The following NPIPA1 variants were observed in gnomAD, a reference collection of about 807,000 sequenced individuals.
NPIPA1 encodes the protein nuclear pore complex-interacting protein family member A1.
For missense variants in NPIPA1, 22 were observed against 232.2 expected, an observed-to-expected ratio of 0.09 and a Z score of 5.88; for synonymous variants, 7 against 88.0, an observed-to-expected ratio of 0.08 and a Z score of 5.15.
intron 2 of NPIPA1, among the ~76,000 whole-genome samples, chr16:14,943,017 T>G (rs1965788962): frequency 6.6e-6 from 1 of 152,278 alleles, no homozygotes; most frequent in African/African-American, 2.4e-5. Context: ...TACACGTCAT[T>G]TGGCACTGCC....
intron 2 of NPIPA1, among the ~76,000 whole-genome samples, chr16:14,945,202 T>G (rs1965853136): frequency 6.7e-6 from 1 of 150,146 alleles, no homozygotes. Flanking sequence ...TGAGCCACCA[T>G]GCCAGCCTCA....
intron 2 of NPIPA1, among the ~76,000 whole-genome samples, chr16:14,945,346 T>C (rs1800266658): frequency 6.8e-6 from 1 of 146,356 alleles, no homozygotes; most frequent in Admixed American, 6.9e-5. Flanking sequence ...ACCTCCCAGC[T>C]TCAAACGGTT....
intron 1 of NPIPA1, among the ~76,000 whole-genome samples, chr16:14,939,108 TTTTA>T (rs1242948448): frequency 2.1e-5 from 3 of 141,124 alleles, no homozygotes; most frequent in African/African-American, 5.3e-5. Flanking sequence ...ATCTACATTA[TTTTA>T]TTTATTTATT....
At chr16:14,947,320 G>A (rs1965914593) in intron 4 of NPIPA1, among the ~76,000 whole-genome samples, 1 of 152,124 alleles carries the variant, frequency 6.6e-6, no homozygotes. Flanking sequence ...CTGGGGGATG[G>A]TCAGGGGTCC....
At chr16:14,943,538 CCT>C (rs1965804664) in intron 2 of NPIPA1, among the ~76,000 whole-genome samples, 5 of 148,964 alleles carry the variant, frequency 3.4e-5, no homozygotes, top group Non-Finnish European at 7.4e-5. Context: ...CAACTTTGTA[CCT>C]CTCATCTTTG....
At chr16:14,940,691 G>A (rs1209113776) in intron 1 of NPIPA1, among the ~76,000 whole-genome samples, 2 of 135,858 alleles carry the variant, frequency 1.5e-5, no homozygotes, top group East Asian at 5.2e-4. Flanking sequence ...GGGTGACAGA[G>A]CAAGACTTTG....
At chr16:14,938,714 A>G (rs1474925567) in intron 1 of NPIPA1, among the ~76,000 whole-genome samples, 7 of 150,718 alleles carry the variant, frequency 4.6e-5, no homozygotes, top group Admixed American at 4.6e-4. Context: ...GTGAAATGTC[A>G]TTTGATTTGT....
At chr16:14,947,266 C>T (rs1965912941) in intron 4 of NPIPA1, among the ~76,000 whole-genome samples, 1 of 152,208 alleles carries the variant, frequency 6.6e-6, no homozygotes, top group South Asian at 2.1e-4. Context: ...GAATTGAGGC[C>T]TAGTAGCATG....
rs1194844894 is a variant in NPIPA1 at position 14,943,786 on chromosome 16, G to A, written c.193-1788G>A. 2.0e-5 allele frequency among the ~76,000 whole-genome samples: 3 copies of A among 152,084 alleles called. No homozygotes were observed. The Admixed American group carries it at 2.0e-4, about 10-fold the overall frequency. On this transcript the variant is annotated intron_variant, in intron 2 of 7. Transcript: ENST00000328085. The stretch of plus-strand genomic sequence containing the variant: ...ACCCATTGCTTCTCTTGAAATCCTA[G>A]TACATGATTTTTTTTTTTATCCTAT...
intron 2 of NPIPA1, among the ~76,000 whole-genome samples, chr16:14,943,144 C>CTTTTTT (rs796144995): frequency 7.5e-6 from 1 of 133,022 alleles, no homozygotes; most frequent in Non-Finnish European, 1.6e-5. Flanking sequence ...TTGGAGGAAG[C>CTTTTTT]TTTTTTTTTT....
intron 2 of NPIPA1, among the ~76,000 whole-genome samples, chr16:14,945,262 G>GTGTA: frequency 6.8e-6 from 1 of 147,470 alleles, no homozygotes; most frequent in African/African-American, 2.5e-5. Flanking sequence ...GTGTGTGTGT[G>GTGTA]TGTGTGAGAC....
At chr16:14,947,691 C>T (rs1355987039) in intron 4 of NPIPA1, among the ~76,000 whole-genome samples, 4 of 152,136 alleles carry the variant, frequency 2.6e-5, no homozygotes, top group Non-Finnish European at 5.9e-5. Flanking sequence ...TGTATTCAAT[C>T]ATGGGTTTTA....
intron 1 of NPIPA1, among the ~76,000 whole-genome samples, chr16:14,940,580 G>C (rs1390788523): frequency 3.6e-5 from 5 of 138,174 alleles, no homozygotes. Context: ...GGTGGCAGGC[G>C]CCTGTAATCC....
At chr16:14,938,773 C>A (rs1224624158) in intron 1 of NPIPA1, among the ~76,000 whole-genome samples, 4 of 151,970 alleles carry the variant, frequency 2.6e-5, no homozygotes, top group Non-Finnish European at 5.9e-5. Context: ...GAGTCTCATT[C>A]TGTCGCCCAG....
intron 2 of NPIPA1, among the ~76,000 whole-genome samples, chr16:14,944,894 G>A (rs1965844221): frequency 1.3e-5 from 2 of 150,474 alleles, no homozygotes; most frequent in African/African-American, 2.4e-5. Flanking sequence ...GTGAGCTACC[G>A]CACCTGGCCT....
At chr16:14,946,931 G>A (rs1259029985) in intron 4 of NPIPA1, among the ~76,000 whole-genome samples, 4 of 152,196 alleles carry the variant, frequency 2.6e-5, no homozygotes, top group Admixed American at 1.3e-4. Context: ...CTGACATCAT[G>A]ATCCGCACAA....
rs1226276873 is a variant in NPIPA1 at position 14,946,422 on chromosome 16, A to G, written c.437+441A>G. On this transcript the variant is annotated intron_variant, in intron 4 of 7. Transcript: ENST00000328085. ...TTTTTACTAGAGATGGGGTTTCACCATGTTGTCCAGACTGGTCTCGAACTT... is the reference window on the plus strand; with the variant it reads ...TTTTTACTAGAGATGGGGTTTCACCGTGTTGTCCAGACTGGTCTCGAACTT... Among the ~76,000 whole-genome samples the G allele has an allele frequency of 1.0e-4, 15 of 149,132 alleles. No homozygotes were observed. The East Asian group carries it at 2.9e-3, about 29-fold the overall frequency.
chr16:14,945,026 C>T (rs1965848339), intron 2 of NPIPA1, among the ~76,000 whole-genome samples: 1 of 149,178 alleles, frequency 6.7e-6, no homozygotes, highest in Non-Finnish European at 1.5e-5. Flanking sequence ...ATTCTCCTGC[C>T]TCAGCCTCCC....
intron 2 of NPIPA1, among the ~76,000 whole-genome samples, chr16:14,945,284 C>G (rs1965859654): frequency 6.9e-6 from 1 of 145,262 alleles, no homozygotes; most frequent in African/African-American, 2.5e-5. Flanking sequence ...GAGTCTCATT[C>G]TGTCACTCAG....
Sources: gnomAD v4.1 joint callset for allele counts (sites outside exome capture counted in the v4.1 genomes callset) on GRCh38, gnomAD v4.1.1 for gene constraint, MANE v1.5 for transcripts, NCBI Gene and HGNC (gene_info 2026-07-23, HGNC 2026-07-21) for gene names.